PAX5: variants seen among roughly 807,000 people sequenced by gnomAD.
PAX5 encodes paired box 5.
Under a neutral mutation model 43.7 loss-of-function variants are expected in PAX5, and 9 were observed. The ratio of observed to expected loss-of-function variants is 0.21; its 90% CI spans 0.12 to 0.36. The LOEUF is 0.36. Ranked by LOEUF, PAX5 falls within the 10% of genes least tolerant of loss-of-function variation. The pLI is 1.00. For missense variants in PAX5, 383 were observed against 532.7 expected, an observed-to-expected ratio of 0.72 and a Z score of 2.77; for synonymous variants, 228 against 214.3, an observed-to-expected ratio of 1.06 and a Z score of -0.56.
chr9:37,003,868 G>A (rs893059981), intron 4 of PAX5, among the ~76,000 whole-genome samples: 5 of 152,226 alleles, frequency 3.3e-5, no homozygotes, highest in Non-Finnish European at 7.3e-5. Context: ...AAGAGACAGA[G>A]TGGTGATTTG....
chr9:36,968,702 C>T (rs1834666587), intron 5 of PAX5, among the ~76,000 whole-genome samples: 1 of 152,186 alleles, frequency 6.6e-6, no homozygotes, highest in Non-Finnish European at 1.5e-5. Context: ...ATGACCTTGG[C>T]CTTCCACAAG....
intron 6 of PAX5, chr9:36,930,779 T>C (rs766962330): frequency 3.3e-6 from 4 of 1,224,066 alleles, no homozygotes; most frequent in Non-Finnish European, 4.3e-6. Flanking sequence ...GGACACCACT[T>C]TGGAAACTAA....
chr9:36,971,122 A>G (rs1441940601), intron 5 of PAX5, among the ~76,000 whole-genome samples: 1 of 152,224 alleles, frequency 6.6e-6, no homozygotes, highest in East Asian at 1.9e-4. Flanking sequence ...GTGATGGGCA[A>G]AAGCTGAGCC....
At chr9:36,936,830 G>GCA (rs60878828) in intron 6 of PAX5, among the ~76,000 whole-genome samples, 14 of 133,510 alleles carry the variant, frequency 1.0e-4, no homozygotes, top group South Asian at 2.3e-4. Context: ...ACACACACAT[G>GCA]CACACACACA....
chr9:37,020,820 A>C lies in PAX5; in HGVS notation c.47-19T>G. On this transcript the variant is annotated intron_variant, in intron 1 of 9. Transcript: ENST00000358127. Reference sequence around the variant, plus strand: ...CCATGTCCTGAAACAGATCAGAAACAAAAGGAAAGGGAAAGGGTAGTTAGA... The same window carrying C: ...CCATGTCCTGAAACAGATCAGAAACCAAAGGAAAGGGAAAGGGTAGTTAGA... 1 of 1,612,986 alleles carries C rather than the reference A, an allele frequency of 6.2e-7. No individual in the cohort carries two copies. Among genetic ancestry groups the C allele is most frequent in the Non-Finnish European group, 8.5e-7 (1 of 1,179,074 alleles).
chr9:36,923,535 G>A, intron 6 of PAX5, 51 bp from the exon 7 acceptor site: 1 of 1,564,754 alleles, frequency 6.4e-7, no homozygotes. Flanking sequence ...CAGTACCTTA[G>A]TCAAATGCCA....
intron 6 of PAX5, among the ~76,000 whole-genome samples, chr9:36,966,032 G>C (rs907254880): frequency 7.9e-5 from 12 of 152,236 alleles, no homozygotes; most frequent in Admixed American, 5.9e-4. Flanking sequence ...TTTGTGCAAT[G>C]AGACATTTCT....
chr9:36,869,895 AATGGATGG>A (rs371489118), intron 8 of PAX5, among the ~76,000 whole-genome samples: 1,974 of 49,360 alleles, frequency 0.04, 31 homozygotes, highest in Middle Eastern at 0.085. Context: ...TGGATGGATA[AATGGATGG>A]ATGGATGGAT....
intron 2 of PAX5, among the ~76,000 whole-genome samples, chr9:37,017,081 C>T (rs953338777): frequency 2.6e-5 from 4 of 152,158 alleles, no homozygotes; most frequent in Non-Finnish European, 5.9e-5. Flanking sequence ...CCAAAAAAAC[C>T]AGATGGCTAG....
At chr9:36,940,054 T>C (rs1831915672) in intron 6 of PAX5, among the ~76,000 whole-genome samples, 1 of 152,224 alleles carries the variant, frequency 6.6e-6, no homozygotes, top group South Asian at 2.1e-4. Flanking sequence ...GCTTAATTTA[T>C]TGCCCGGCGC....
chr9:36,834,722 A>T lies in PAX5; in HGVS notation c.*5838T>A, dbSNP rs1821521100. 4.3e-6 allele frequency: 1 copy of T among 233,264 alleles called. No homozygotes were observed. Among genetic ancestry groups the T allele is most frequent in the Non-Finnish European group, 8.5e-6 (1 of 118,062 alleles). 14.4% of individuals were successfully genotyped at this position (233,264 alleles called of 1,614,324 possible). A position where few individuals can be genotyped will look rare whatever the true frequency, so the allele number is the denominator to read the frequency against. On this transcript the variant is annotated 3_prime_UTR_variant, in exon 10 of 10. Coordinates refer to ENST00000358127, the MANE Select transcript of PAX5 (RefSeq NM_016734.3). ...AAGGGAAATGCGCCGTTTGTAAATC[A>T]AAAATCCATCATCCAAAATCACTTG...
intron 1 of PAX5, chr9:37,026,608 C>G: frequency 7.4e-7 from 1 of 1,350,350 alleles, no homozygotes; most frequent in Middle Eastern, 2.0e-4. Flanking sequence ...CGGCCCACGC[C>G]GCCGCCTCCC....
intron 5 of PAX5, among the ~76,000 whole-genome samples, chr9:36,982,643 G>A (rs1407279811): frequency 6.6e-6 from 1 of 152,198 alleles, no homozygotes; most frequent in Non-Finnish European, 1.5e-5. Context: ...GAAGGAAGAG[G>A]CAAGGGGCAT....
intron 8 of PAX5, chr9:36,861,020 A>T (rs1824166266): frequency 6.6e-6 from 1 of 152,148 alleles, no homozygotes; most frequent in Non-Finnish European, 1.5e-5. Context: ...GCAGGGAGGG[A>T]GTCAGCAGGA....
At chr9:37,013,771 G>A (rs1287023469) in intron 3 of PAX5, among the ~76,000 whole-genome samples, 1 of 152,116 alleles carries the variant, frequency 6.6e-6, no homozygotes, top group Non-Finnish European at 1.5e-5. Flanking sequence ...TATCTCCCCT[G>A]TACCATGCAT....
At chr9:36,977,046 G>A (rs1303299323) in intron 5 of PAX5, among the ~76,000 whole-genome samples, 1 of 152,220 alleles carries the variant, frequency 6.6e-6, no homozygotes, top group East Asian at 1.9e-4. Flanking sequence ...CCCTACTGGA[G>A]GATGAAGACA....
chr9:36,957,054 TG>T (rs35395868), intron 6 of PAX5, among the ~76,000 whole-genome samples: 27 of 152,150 alleles, frequency 1.8e-4, no homozygotes, highest in Non-Finnish European at 3.8e-4. Flanking sequence ...CTCCCTGCCA[TG>T]GGAGGAGTCA....
intron 1 of PAX5, chr9:37,026,621 C>A: frequency 1.5e-6 from 2 of 1,351,672 alleles, no homozygotes; most frequent in East Asian, 3.6e-5. Flanking sequence ...CGCCTCCCGG[C>A]GCCAAGGGGC....
chr9:36,864,574 C>T (rs778511639), intron 8 of PAX5, among the ~76,000 whole-genome samples: 6 of 152,226 alleles, frequency 3.9e-5, no homozygotes, highest in Admixed American at 1.3e-4. Flanking sequence ...CAGGGGACCC[C>T]AACTCCACCC....
Sources: gnomAD v4.1 joint callset for allele counts (sites outside exome capture counted in the v4.1 genomes callset) on GRCh38, gnomAD v4.1.1 for gene constraint, MANE v1.5 for transcripts, NCBI Gene and HGNC (gene_info 2026-07-23, HGNC 2026-07-21) for gene names.